Variants in RAD54B observed in about 807,000 individuals in gnomAD.
RAD54B encodes the protein RAD54 homolog B, also known as DNA repair and recombination protein RAD54B.
Under a neutral mutation model 95.8 loss-of-function variants are expected in RAD54B, and 78 were observed. The ratio of observed to expected loss-of-function variants is 0.81; its 90% CI spans 0.68 to 0.98. The LOEUF (loss-of-function observed/expected upper bound fraction) is 0.98. RAD54B is among the 50% of genes least tolerant of loss of function. The pLI is 0.00. For missense variants in RAD54B, 957 were observed against 1,056.6 expected, an observed-to-expected ratio of 0.91 and a Z score of 1.31; for synonymous variants, 328 against 354.9, an observed-to-expected ratio of 0.92 and a Z score of 0.85.
chr8:94,449,200 C>CCA lies in RAD54B; in HGVS notation c.304+9066_304+9067dup, dbSNP rs984648627. The stretch of plus-strand genomic sequence containing the variant: ...CCACACCCTTCCCCCCCGCCCCCCA[C>CCA]CACACACACACACAGACAACCCTCT... On this transcript the variant is annotated intron_variant, in intron 3 of 14. Transcript: ENST00000336148. Among the ~76,000 whole-genome samples the CCA allele has an allele frequency of 1.1e-4, 16 of 150,152 alleles. No individual in the cohort carries two copies. In the East Asian group the frequency reaches 1.4e-3, roughly 13 times the overall value.
Position 94,445,038 on chromosome 8 carries a change from T to C in RAD54B, c.304+13230A>G, listed in dbSNP as rs189488803. On this transcript the variant is annotated intron_variant, in intron 3 of 14. Transcript: ENST00000336148. ...TTAGCCTGGAGCTGCTATAACAAAG[T>C]ATCATAAACTGGGTGGCTTATAAAC... 3.3e-3 allele frequency among the ~76,000 whole-genome samples: 503 copies of C among 152,272 alleles called. 1 individual carries two copies. Among genetic ancestry groups the C allele is most frequent in the African/African-American group, 0.011 (467 of 41,562 alleles).
At chr8:94,463,758 C>A (rs1199175423) in intron 2 of RAD54B, among the ~76,000 whole-genome samples, 10 of 151,458 alleles carry the variant, frequency 6.6e-5, no homozygotes, top group African/African-American at 2.2e-4. Context: ...ATTTAAAAAT[C>A]TCTAAAAAAA....
At chr8:94,432,720 C>G (rs992290410) in intron 3 of RAD54B, 1 of 1,380,298 alleles carries the variant, frequency 7.2e-7, no homozygotes, top group African/African-American at 1.5e-5. Flanking sequence ...ATATTTATAG[C>G]ATAATTTTAA....
intron 3 of RAD54B, among the ~76,000 whole-genome samples, chr8:94,454,201 C>T (rs150864789): frequency 5.4e-4 from 82 of 150,812 alleles, no homozygotes; most frequent in Middle Eastern, 3.5e-3. Context: ...ATTCTCATTA[C>T]ATCGCATATC....
chr8:94,400,196 AT>A (rs748542328), intron 7 of RAD54B, 41 bp downstream of exon 7: 10 of 1,534,594 alleles, frequency 6.5e-6, no homozygotes, highest in South Asian at 2.3e-5. Flanking sequence ...GAAAAACTAG[AT>A]TTTTTTTAAA....
At chr8:94,471,880 AAAAGT>A (rs1479088473) in intron 1 of RAD54B, among the ~76,000 whole-genome samples, 1 of 151,892 alleles carries the variant, frequency 6.6e-6, no homozygotes, top group Non-Finnish European at 1.5e-5. Context: ...AGAAATTTTT[AAAAGT>A]AAATAAAAAT....
intron 3 of RAD54B, among the ~76,000 whole-genome samples, chr8:94,451,735 C>T (rs902366700): frequency 1.3e-5 from 2 of 152,000 alleles, no homozygotes; most frequent in Admixed American, 1.3e-4. Context: ...AAGCATTCAA[C>T]AAATGATTGG....
chr8:94,453,912 C>T (rs1373873421), intron 3 of RAD54B, among the ~76,000 whole-genome samples: 1 of 152,094 alleles, frequency 6.6e-6, no homozygotes, highest in Non-Finnish European at 1.5e-5. Flanking sequence ...TGGCCTCAGC[C>T]TCCCAAGTAG....
chr8:94,463,313 G>T (rs754192214), intron 2 of RAD54B, among the ~76,000 whole-genome samples: 11 of 149,020 alleles, frequency 7.4e-5, no homozygotes, highest in Non-Finnish European at 1.3e-4. Context: ...TACACAAATG[G>T]GTAATAAGCA....
At chr8:94,445,052 T>G (rs568428596) in intron 3 of RAD54B, among the ~76,000 whole-genome samples, 4 of 152,280 alleles carry the variant, frequency 2.6e-5, no homozygotes, top group African/African-American at 9.6e-5. Context: ...ATAAACTGGG[T>G]GGCTTATAAA....
chr8:94,441,400 G>T (rs1029322191), intron 3 of RAD54B, among the ~76,000 whole-genome samples: 7 of 152,086 alleles, frequency 4.6e-5, no homozygotes, highest in Admixed American at 1.3e-4. Context: ...GGTTCTATTA[G>T]TTTGCTAGAG....
At chr8:94,418,666 T>A (rs1351925591) in intron 3 of RAD54B, among the ~76,000 whole-genome samples, 1 of 152,166 alleles carries the variant, frequency 6.6e-6, no homozygotes, top group East Asian at 1.9e-4. Flanking sequence ...CTGTTTTCCA[T>A]GAATATTGTT....
At chr8:94,419,114 C>T (rs749617521) in intron 3 of RAD54B, among the ~76,000 whole-genome samples, 5 of 151,918 alleles carry the variant, frequency 3.3e-5, no homozygotes, top group East Asian at 1.9e-4. Flanking sequence ...AACATTCAGC[C>T]GACATATTGC....
At chr8:94,413,711 T>TA (rs1811582563) in intron 3 of RAD54B, among the ~76,000 whole-genome samples, 1 of 152,144 alleles carries the variant, frequency 6.6e-6, no homozygotes, top group South Asian at 2.1e-4. Context: ...TATCAGAATT[T>TA]AAAACTTTTG....
At chr8:94,474,385 A>G (rs945465471) in intron 1 of RAD54B, among the ~76,000 whole-genome samples, 4 of 152,294 alleles carry the variant, frequency 2.6e-5, no homozygotes, top group Middle Eastern at 6.8e-3. Flanking sequence ...AATTTTTTTG[A>G]TAACAAAAGT....
chr8:94,457,305 C>G (rs1455698600), intron 3 of RAD54B, among the ~76,000 whole-genome samples: 1 of 152,222 alleles, frequency 6.6e-6, no homozygotes, highest in African/African-American at 2.4e-5. Context: ...AACTGCCATG[C>G]CCAGAGCTGT....
At chr8:94,460,326 C>G (rs1440082415) in intron 2 of RAD54B, among the ~76,000 whole-genome samples, 1 of 152,034 alleles carries the variant, frequency 6.6e-6, no homozygotes, top group African/African-American at 2.4e-5. Flanking sequence ...CAAAAATTAG[C>G]CAGGCACAGT....
chr8:94,414,725 GACAA>G (rs1279612511), intron 3 of RAD54B, among the ~76,000 whole-genome samples: 2 of 152,106 alleles, frequency 1.3e-5, no homozygotes, highest in East Asian at 1.9e-4. Context: ...ACCAATAACA[GACAA>G]ACAGAGAGCC....
At chr8:94,426,779 C>T (rs1014963576) in intron 3 of RAD54B, among the ~76,000 whole-genome samples, 4 of 152,126 alleles carry the variant, frequency 2.6e-5, no homozygotes, top group Non-Finnish European at 5.9e-5. Flanking sequence ...TTGAGCTACA[C>T]AGTTGTAGAT....
Sources: allele counts gnomAD v4.1 joint callset (sites outside exome capture counted in the v4.1 genomes callset), GRCh38; gene constraint gnomAD v4.1.1; transcripts MANE v1.5; gene names NCBI Gene and HGNC (gene_info 2026-07-23, HGNC 2026-07-21).